NBN: variants seen among roughly 807,000 people sequenced by gnomAD.
NBN encodes the protein Nijmegen breakage syndrome 1 (nibrin).
Under a neutral mutation model 90.8 loss-of-function variants are expected in NBN, and 88 were observed. The ratio of observed to expected loss-of-function variants is 0.97; its 90% CI spans 0.82 to 1.16. The LOEUF (loss-of-function observed/expected upper bound fraction) is 1.16, where lower values mean the gene tolerates loss of function less well. Among genes scored for constraint, NBN ranks in the 50% most tolerant of loss-of-function variants. The probability of loss-of-function intolerance (pLI) is 0.00; values close to 1 mark genes in which losing one functional copy is unlikely to be tolerated. For missense variants in NBN, 894 were observed against 869.6 expected (o/e 1.03, Z -0.35); for synonymous variants, 328 against 295.1 (o/e 1.11, Z -1.14).
intron 4 of NBN, 93 bp from the exon 5 acceptor site, chr8:89,978,416 C>T (rs1487656185): frequency 3.6e-5 from 36 of 988,702 alleles, no homozygotes; most frequent in Non-Finnish European, 4.6e-6. Flanking sequence ...AGGCTGTTTA[C>T]ATCCATAAAA....
At chr8:89,966,434 CAATATCATTCATTTATAATA>C (rs1171125743) in intron 7 of NBN, among the ~76,000 whole-genome samples, 1 of 152,126 alleles carries the variant, frequency 6.6e-6, no homozygotes, top group East Asian at 1.9e-4. Flanking sequence ...ATTTAAGTGA[CAATATCATTCATTTATAATA>C]ATATCAGAGA....
At chr8:89,970,711 G>C (rs1483802738) in intron 6 of NBN, 154 bp from the exon 7 acceptor site, 2 of 220,718 alleles carry the variant, frequency 9.1e-6, no homozygotes, top group Non-Finnish European at 1.5e-5. Context: ...AAAGTCCCTA[G>C]TTCAACAGGT....
At chr8:89,957,847 G>C (rs890754129) in intron 9 of NBN, among the ~76,000 whole-genome samples, 1 of 152,104 alleles carries the variant, frequency 6.6e-6, no homozygotes, top group Admixed American at 6.6e-5. Flanking sequence ...TCGTGGTGAG[G>C]TTCCAGGTTT....
chr8:89,946,505 A>G (rs1270979557), intron 12 of NBN: 3 of 525,282 alleles, frequency 5.7e-6, no homozygotes, highest in Non-Finnish European at 1.0e-5. Flanking sequence ...TAAACTTTGG[A>G]AACATTTATA....
At chr8:89,979,187 C>A (rs1340179504) in intron 4 of NBN, among the ~76,000 whole-genome samples, 1 of 152,166 alleles carries the variant, frequency 6.6e-6, no homozygotes, top group Non-Finnish European at 1.5e-5. Flanking sequence ...CTATGTTGCC[C>A]AGGCTGGTCT....
chr8:89,968,367 T>A (rs904258747), intron 7 of NBN, among the ~76,000 whole-genome samples: 1 of 152,016 alleles, frequency 6.6e-6, no homozygotes, highest in Non-Finnish European at 1.5e-5. Flanking sequence ...TTTTTTAACC[T>A]CAGGGTGTCA....
rs148136934 is a variant in NBN at position 89,937,131 on chromosome 8, G to C, written c.2185-56C>G. 74 of 1,513,078 alleles carry C rather than the reference G, an allele frequency of 4.9e-5. No homozygotes were observed. In the African/African-American group the frequency reaches 9.0e-4, roughly 18 times the overall value. The allele number at this position is 1,513,078 out of a possible 1,614,324, so 93.7% of individuals were successfully genotyped here. A position where few individuals can be genotyped will look rare whatever the true frequency, so the allele number is the denominator to read the frequency against. On this transcript the variant is annotated intron_variant, in intron 14 of 15. Coordinates refer to ENST00000265433, the MANE Select transcript of NBN (RefSeq NM_002485.5). ...GCTCAGTGGTGAATATATAGTTAATGAATTGCTATAGTGATAGGTCACTGT... is the reference window on the plus strand; with the variant it reads ...GCTCAGTGGTGAATATATAGTTAATCAATTGCTATAGTGATAGGTCACTGT...
At chr8:89,946,453 T>A in intron 12 of NBN, 158 bp from the exon 13 acceptor site, 1 of 668,252 alleles carries the variant, frequency 1.5e-6, no homozygotes, top group Non-Finnish European at 2.5e-6. Context: ...AATCAAATTG[T>A]AGCTAATTCA....
chr8:89,943,513 C>T, intron 13 of NBN, 147 bp from the exon 14 acceptor site: 1 of 803,730 alleles, frequency 1.2e-6, no homozygotes, highest in Non-Finnish European at 2.0e-6. Flanking sequence ...AGCAGTAACT[C>T]TGTTCTAAAC....
intron 11 of NBN, among the ~76,000 whole-genome samples, chr8:89,952,908 G>A (rs948362569): frequency 1.3e-5 from 2 of 152,212 alleles, no homozygotes; most frequent in Non-Finnish European, 2.9e-5. Flanking sequence ...TAGATACTTT[G>A]TTTTACTAAC....
At chr8:89,969,499 C>T (rs955011718) in intron 7 of NBN, among the ~76,000 whole-genome samples, 1 of 152,136 alleles carries the variant, frequency 6.6e-6, no homozygotes, top group Non-Finnish European at 1.5e-5. Flanking sequence ...CTTAACACTA[C>T]TTTGTTAATT....
chr8:89,952,051 C>G (rs1012736066), intron 11 of NBN, among the ~76,000 whole-genome samples: 6 of 152,202 alleles, frequency 3.9e-5, no homozygotes, highest in Non-Finnish European at 8.8e-5. Context: ...ATCACATTCT[C>G]CCTCCCTGGA....
At chr8:89,980,251 T>G (rs1386967993) in intron 4 of NBN, among the ~76,000 whole-genome samples, 2 of 152,196 alleles carry the variant, frequency 1.3e-5, no homozygotes, top group Non-Finnish European at 2.9e-5. Flanking sequence ...TAAAGGAATC[T>G]AAGTATTTGT....
At chr8:89,954,535 T>TAA (rs545464810) in intron 10 of NBN, among the ~76,000 whole-genome samples, 1 of 137,322 alleles carries the variant, frequency 7.3e-6, no homozygotes, top group Admixed American at 7.3e-5. Flanking sequence ...GCTATTTTAC[T>TAA]AAAAAAAAAA....
chr8:89,980,639 T>C (rs1193974928), intron 4 of NBN, 95 bp downstream of exon 4: 10 of 1,015,782 alleles, frequency 9.8e-6, no homozygotes, highest in Non-Finnish European at 1.2e-5. Context: ...ACAGTTCTGA[T>C]AGTTTTAAAG....
Position 89,953,415 on chromosome 8 carries a change from T to C in NBN, c.1674A>G (p.Ile558Met), listed in dbSNP as rs778302563. 1 of 1,613,896 alleles carries C rather than the reference T, an allele frequency of 6.2e-7. No homozygotes were observed. The highest frequency in any genetic ancestry group is 1.1e-5 in the South Asian group (1 of 91,076). Residue 558 changes from isoleucine to methionine, a missense_variant, in exon 11 of 16, where the codon ATA becomes ATG. By Grantham distance (10) the Ile-to-Met change is conservative. Transcript: ENST00000265433. Reference protein sequence around the residue: ...NKKREMDDVAIEDEVLEQLFK... With the variant: ...NKKREMDDVAMEDEVLEQLFK... The stretch of plus-strand genomic sequence containing the variant: ...ATAACTGTTCCAATACTTCATCTTC[T>C]ATGGCCACATCATCCATTTCCCTTT...
chr8:89,984,374 CGCT>C, intron 1 of NBN, 148 bp downstream of exon 1: 1 of 739,828 alleles, frequency 1.4e-6, no homozygotes, highest in Non-Finnish European at 2.3e-6. Context: ...GAAGAATATG[CGCT>C]TGCCATACAG....
At chr8:89,977,849 T>G (rs1811838810) in intron 5 of NBN, among the ~76,000 whole-genome samples, 1 of 152,208 alleles carries the variant, frequency 6.6e-6, no homozygotes, top group Non-Finnish European at 1.5e-5. Context: ...GTTAATATTC[T>G]GGACTATGTG....
rs2129697638 is a variant in NBN, at chr8:89,953,350, A to C, written c.1739T>G (p.Val580Gly). 1 of 1,613,544 alleles carries C rather than the reference A, an allele frequency of 6.2e-7. No homozygotes were observed. The highest frequency in any genetic ancestry group is 8.5e-7 in the Non-Finnish European group (1 of 1,179,790). The stretch of plus-strand genomic sequence containing the variant: ...ATTGACATCTTCCTCCTGTTTTTGA[A>C]CTTTCACATCAATTTCTAACTCTGG... ...TKPELEIDVK[V>G]QKQEEDVNVR... Residue 580 changes from valine to glycine, a missense_variant, in exon 11 of 16, where the codon GTT (valine) becomes GGT (glycine). By Grantham distance (109) the Val-to-Gly change is moderately radical (BLOSUM62 -3). Coordinates refer to ENST00000265433, the MANE Select transcript of NBN (RefSeq NM_002485.5).
Sources: gnomAD v4.1 joint callset for allele counts (sites outside exome capture counted in the v4.1 genomes callset) on GRCh38, gnomAD v4.1.1 for gene constraint, MANE v1.5 for transcripts, NCBI Gene and HGNC (gene_info 2026-07-23, HGNC 2026-07-21) for gene names.